SHANK2: variants seen among roughly 807,000 people sequenced by gnomAD.
SHANK2 encodes SH3 and multiple ankyrin repeat domains protein 2.
Under a neutral mutation model 133.7 loss-of-function variants are expected in SHANK2, and 43 were observed. That is an observed-to-expected ratio of 0.32 (90% CI 0.25 to 0.41). The LOEUF is 0.41. SHANK2 is among the 10% of genes least tolerant of loss of function. SHANK2 has a pLI of 1.00. For synonymous variants in SHANK2, 1,017 were observed against 952.8 expected (o/e 1.07, Z -1.24); for missense variants, 1,994 against 2,235.8 (o/e 0.89, Z 2.18).
chr11:70,525,770 A>G (rs1554971992), intron 17 of SHANK2, among the ~76,000 whole-genome samples: 1 of 151,670 alleles, frequency 6.6e-6, no homozygotes. Context: ...TCTGCTCTCC[A>G]GCTAACCCCC....
At chr11:70,855,132 C>T (rs890849414) in intron 11 of SHANK2, among the ~76,000 whole-genome samples, 1 of 152,246 alleles carries the variant, frequency 6.6e-6, no homozygotes, top group Non-Finnish European at 1.5e-5. Context: ...GCTGTTTGCA[C>T]AGCAGGCTCG....
intron 11 of SHANK2, among the ~76,000 whole-genome samples, chr11:70,894,478 C>T (rs879995200): frequency 1.2e-4 from 18 of 152,160 alleles, no homozygotes; most frequent in Admixed American, 1.2e-3. Flanking sequence ...TGAGACACCG[C>T]GCCTGGCCCC....
At chr11:71,180,505 G>A (rs573515005) in intron 2 of SHANK2, among the ~76,000 whole-genome samples, 17 of 152,040 alleles carry the variant, frequency 1.1e-4, no homozygotes, top group African/African-American at 2.9e-4. Context: ...ATCTAACAGC[G>A]CTTTGTACAA....
rs1042474125 is a variant in SHANK2 at position 71,166,540 on chromosome 11, G to T, written c.-12-19202C>A. On this transcript the variant is annotated intron_variant, in intron 2 of 25. Coordinates refer to ENST00000601538, the MANE Select transcript of SHANK2 (RefSeq NM_012309.5). ...TTGTTGCCCAGGCTGCAGTGCAGTG[G>T]CATGATCTCGGCTCATTGCAACCTC... Among the ~76,000 whole-genome samples, 47 of 150,314 alleles carry T rather than the reference G, an allele frequency of 3.1e-4. 1 individual carries two copies. Among genetic ancestry groups the T allele is most frequent in the Non-Finnish European group, 1.0e-4 (7 of 67,736 alleles).
intron 2 of SHANK2, among the ~76,000 whole-genome samples, chr11:71,224,249 G>C (rs1460479554): frequency 6.6e-6 from 1 of 152,186 alleles, no homozygotes; most frequent in African/African-American, 2.4e-5. Flanking sequence ...CTCAAGAATA[G>C]AGCCACTGAG....
intron 2 of SHANK2, among the ~76,000 whole-genome samples, chr11:71,184,939 GC>G (rs1953640890): frequency 6.6e-6 from 1 of 152,136 alleles, no homozygotes; most frequent in Non-Finnish European, 1.5e-5. Flanking sequence ...TGGGCACAAA[GC>G]TAAACACTCT....
chr11:70,699,035 A>T (rs542284770), intron 14 of SHANK2, among the ~76,000 whole-genome samples: 1 of 152,276 alleles, frequency 6.6e-6, no homozygotes, highest in South Asian at 2.1e-4. Context: ...CAGCTCACAG[A>T]GGAGGCAGGA....
At chr11:70,802,710 A>T (rs1948072634) in intron 13 of SHANK2, among the ~76,000 whole-genome samples, 1 of 152,244 alleles carries the variant, frequency 6.6e-6, no homozygotes, top group African/African-American at 2.4e-5. Flanking sequence ...GAGGAGCTTC[A>T]GAAAAGGAGG....
At chr11:70,912,079 C>CAAAAAAAAA (rs536602235) in intron 10 of SHANK2, among the ~76,000 whole-genome samples, 1 of 81,228 alleles carries the variant, frequency 1.2e-5, no homozygotes, top group African/African-American at 4.6e-5. Context: ...GAGACTCTGT[C>CAAAAAAAAA]AAAAAAAAAA....
chr11:70,907,888 G>C, intron 10 of SHANK2: 1 of 454,356 alleles, frequency 2.2e-6, no homozygotes, highest in South Asian at 1.6e-5. Context: ...GATCACTTAA[G>C]GTCAAGAGTT....
chr11:70,653,429 A>T (rs1020947531), intron 17 of SHANK2, among the ~76,000 whole-genome samples: 30 of 151,638 alleles, frequency 2.0e-4, no homozygotes, highest in Non-Finnish European at 1.2e-4. Flanking sequence ...CCATTTTAAA[A>T]TACCAGCCCA....
intron 2 of SHANK2, among the ~76,000 whole-genome samples, chr11:71,187,532 A>G (rs1555114663): frequency 6.6e-6 from 1 of 151,986 alleles, no homozygotes; most frequent in African/African-American, 2.4e-5. Flanking sequence ...AGGACAGTTC[A>G]TGGGTTTCTC....
intron 1 of SHANK2, among the ~76,000 whole-genome samples, chr11:71,246,220 T>A (rs1565534776): frequency 3.3e-5 from 5 of 151,684 alleles, no homozygotes; most frequent in African/African-American, 1.2e-4. Flanking sequence ...TGCACCCCAT[T>A]CCTTGGGCCC....
At chr11:70,828,477 C>T (rs782245030) in intron 11 of SHANK2, among the ~76,000 whole-genome samples, 1 of 152,242 alleles carries the variant, frequency 6.6e-6, no homozygotes, top group Non-Finnish European at 1.5e-5. Flanking sequence ...GTCAGAGCCA[C>T]CAGTGTGTCC....
intron 1 of SHANK2, among the ~76,000 whole-genome samples, chr11:71,229,274 G>A (rs1555122658): frequency 6.6e-6 from 1 of 151,970 alleles, no homozygotes; most frequent in African/African-American, 2.4e-5. Flanking sequence ...GGAAAAGAAG[G>A]AACAAAATTG....
At chr11:71,167,234 A>G (rs11232375) in intron 2 of SHANK2, among the ~76,000 whole-genome samples, 38,432 of 151,866 alleles carry the variant, frequency 0.25, 5,411 homozygotes, top group South Asian at 0.36. Flanking sequence ...TCTTTTCCCC[A>G]CCTTTCCCCC....
chr11:70,530,700 A>G (rs2059456508), intron 17 of SHANK2, among the ~76,000 whole-genome samples: 1 of 152,210 alleles, frequency 6.6e-6, no homozygotes, highest in Admixed American at 6.5e-5. Flanking sequence ...ACAGAGACAG[A>G]AAGTAGAACA....
intron 10 of SHANK2, among the ~76,000 whole-genome samples, chr11:70,947,233 G>A (rs1468556090): frequency 1.3e-5 from 2 of 151,096 alleles, no homozygotes; most frequent in South Asian, 2.1e-4. Flanking sequence ...GTACCCAAAT[G>A]TAAGGAACAA....
At chr11:70,612,887 C>G (rs2136396564) in intron 17 of SHANK2, among the ~76,000 whole-genome samples, 1 of 152,344 alleles carries the variant, frequency 6.6e-6, no homozygotes, top group Middle Eastern at 3.4e-3. Flanking sequence ...GTCTGAGATT[C>G]ACGCGCCTTG....
Sources: allele counts gnomAD v4.1 joint callset (sites outside exome capture counted in the v4.1 genomes callset), GRCh38; gene constraint gnomAD v4.1.1; transcripts MANE v1.5; gene names NCBI Gene and HGNC (gene_info 2026-07-23, HGNC 2026-07-21).